TLN2: variants seen among roughly 807,000 people sequenced by gnomAD.
TLN2 encodes talin-2.
Under a neutral mutation model 294.7 loss-of-function variants are expected in TLN2, and 118 were observed. The observed-to-expected ratio is 0.40, with a 90% CI of 0.34 to 0.47. The LOEUF is 0.47. Among genes scored for constraint, TLN2 ranks in the 20% least tolerant of loss-of-function variants. TLN2 has a pLI of 0.84. For missense variants in TLN2, 3,083 were observed against 3,282.2 expected, an observed-to-expected ratio of 0.94 and a Z score of 1.48; for synonymous variants, 1,431 against 1,304.5, an observed-to-expected ratio of 1.10 and a Z score of -2.09.
chr15:62,717,055 G>T (rs1407487533), intron 23 of TLN2, among the ~76,000 whole-genome samples: 1 of 152,030 alleles, frequency 6.6e-6, no homozygotes, highest in East Asian at 1.9e-4. Flanking sequence ...CCCTCCATAT[G>T]CAGTCTGCTA....
In TLN2 at chr15:62,736,922, C is replaced by G. The variant is rs1346254542; in HGVS notation, c.3403C>G (p.Gln1135Glu). The change falls in exon 29 of 59, where the codon CAG becomes GAG. Residue 1135 changes from glutamine (Q) to glutamate (E), a missense_variant. By Grantham distance (29) the Gln-to-Glu change is conservative. Transcript: ENST00000636159. ...GGCCCAAGCTCTGAAAACACTGGCCCAGGCCGCCCGTGGAGTGGCTGCATC... is the reference window on the plus strand; with the variant it reads ...GGCCCAAGCTCTGAAAACACTGGCCGAGGCCGCCCGTGGAGTGGCTGCATC... ...ETAQALKTLA[Q>E]AARGVAASTT... The G allele has an allele frequency of 2.5e-6, 4 of 1,614,210 alleles. No homozygotes were observed. The Middle Eastern group carries it at 5.0e-4, about 200-fold the overall frequency.
At chr15:62,664,464 T>TATATTTAAATATATATACACAAATCTGAA (rs2054287382) in intron 9 of TLN2, among the ~76,000 whole-genome samples, 1 of 152,076 alleles carries the variant, frequency 6.6e-6, no homozygotes, top group African/African-American at 2.4e-5. Flanking sequence ...ATATGAATCT[T>TATATTTAAATATATATACACAAATCTGAA]TATATTTAAA....
In TLN2 at chr15:62,693,055, C is replaced by T. The variant is rs2058050103; in HGVS notation, c.1215+114C>T. 3.6e-6 allele frequency: 3 copies of T among 833,932 alleles called. No individual in the cohort carries two copies. The African/African-American group carries it at 5.2e-5, about 14-fold the overall frequency. 51.7% of individuals were successfully genotyped at this position (833,932 alleles called of 1,614,324 possible). On this transcript the variant is annotated intron_variant, in intron 13 of 58. Coordinates refer to ENST00000636159, the MANE Select transcript of TLN2 (RefSeq NM_015059.3). ...CTCTTAAATAATACTTGAGGCCAGG[C>T]ATGGTGGCTCACGCCTGTAATCCCA...
At position 62,708,559 on chromosome 15, in the gene TLN2, A is replaced by C; in HGVS notation, c.2230A>C (p.Lys744Gln). 1.2e-6 allele frequency: 2 copies of C among 1,614,106 alleles called. No individual in the cohort carries two copies. Among genetic ancestry groups the C allele is most frequent in the Non-Finnish European group, 1.7e-6 (2 of 1,180,002 alleles). Residue 744 changes from lysine (K) to glutamine (Q), a missense_variant, in exon 21 of 59, where the codon AAG (lysine) becomes CAG (glutamine). Coordinates refer to ENST00000636159, the MANE Select transcript of TLN2 (RefSeq NM_015059.3). ...VCQEQLIEAG[K>Q]LVDRSVENCV... ...CCAGGAGCAGCTGATTGAAGCAGGGAAGCTGGTGGACCGCTCGGTGGAGAA... is the reference window on the plus strand; with the variant it reads ...CCAGGAGCAGCTGATTGAAGCAGGGCAGCTGGTGGACCGCTCGGTGGAGAA...
chr15:62,391,869 C>T (rs2032114109), intron 1 of TLN2, among the ~76,000 whole-genome samples: 1 of 151,912 alleles, frequency 6.6e-6, no homozygotes, highest in Non-Finnish European at 1.5e-5. Flanking sequence ...GCTACCGCTG[C>T]CCGGGTGCTC....
chr15:62,746,483 A>T (rs1327427906), intron 32 of TLN2, among the ~76,000 whole-genome samples: 1 of 152,214 alleles, frequency 6.6e-6, no homozygotes, highest in East Asian at 1.9e-4. Context: ...GAATCACCAG[A>T]GTCAATCTTA....
intron 1 of TLN2, among the ~76,000 whole-genome samples, chr15:62,493,905 CTGGCCGAGGT>C (rs2038881296): frequency 6.6e-6 from 1 of 152,232 alleles, no homozygotes; most frequent in Non-Finnish European, 1.5e-5. Flanking sequence ...GCCACCATGC[CTGGCCGAGGT>C]TGCCTCTTAG....
rs1310544762 is a variant in TLN2 at position 62,636,277 on chromosome 15, G to C, written c.-36-10998G>C. Among the ~76,000 whole-genome samples the C allele has an allele frequency of 2.0e-5, 3 of 151,964 alleles. No individual in the cohort carries two copies. The East Asian group carries it at 5.8e-4, about 29-fold the overall frequency. ...AGATAGATAGATAGATAGATAGATA[G>C]ATAGAGTTTAACTAAAACATTGCAA... On this transcript the variant is annotated intron_variant, in intron 3 of 58. Transcript: ENST00000636159.
At chr15:62,577,723 T>C (rs983259526) in intron 1 of TLN2, among the ~76,000 whole-genome samples, 4 of 152,176 alleles carry the variant, frequency 2.6e-5, no homozygotes, top group African/African-American at 9.7e-5. Context: ...CTTTAAGCTC[T>C]AGGGTACATG....
chr15:62,587,655 A>G (rs2045722165), intron 1 of TLN2, among the ~76,000 whole-genome samples: 1 of 152,192 alleles, frequency 6.6e-6, no homozygotes, highest in Non-Finnish European at 1.5e-5. Flanking sequence ...ATGTGTATCC[A>G]TCTCCCTGCT....
At chr15:62,675,004 C>G (rs2055997242) in intron 10 of TLN2, among the ~76,000 whole-genome samples, 1 of 152,204 alleles carries the variant, frequency 6.6e-6, no homozygotes, top group Non-Finnish European at 1.5e-5. Context: ...TGTTTGGGCT[C>G]AAACTCTGGT....
intron 1 of TLN2, among the ~76,000 whole-genome samples, chr15:62,403,432 C>T (rs778169193): frequency 6.6e-6 from 1 of 152,014 alleles, no homozygotes; most frequent in Non-Finnish European, 1.5e-5. Flanking sequence ...TTTGTTTTGC[C>T]ACGTTGCCCA....
At chr15:62,706,381 G>A (rs180867707) in intron 19 of TLN2, among the ~76,000 whole-genome samples, 2 of 152,334 alleles carry the variant, frequency 1.3e-5, no homozygotes, top group South Asian at 2.1e-4. Context: ...CTAGCTCCTC[G>A]CATTTTCAGT....
intron 52 of TLN2, among the ~76,000 whole-genome samples, chr15:62,816,075 C>G (rs892188771): frequency 6.6e-6 from 1 of 152,230 alleles, no homozygotes; most frequent in Non-Finnish European, 1.5e-5. Flanking sequence ...ACCCACAAAA[C>G]CTAGTTAGAA....
At chr15:62,756,841 G>A (rs2062287686) in intron 37 of TLN2, among the ~76,000 whole-genome samples, 1 of 152,116 alleles carries the variant, frequency 6.6e-6, no homozygotes, top group South Asian at 2.1e-4. Flanking sequence ...CTGGCAGTCA[G>A]CACATGGGGC....
intron 1 of TLN2, among the ~76,000 whole-genome samples, chr15:62,550,723 C>A (rs757274947): frequency 4.1e-4 from 62 of 152,110 alleles, no homozygotes; most frequent in Non-Finnish European, 6.5e-4. Flanking sequence ...CAGGTAACCA[C>A]AAGAATCTCC....
chr15:62,762,496 C>T (rs371789327), intron 39 of TLN2, 43 bp downstream of exon 39: 66 of 1,601,068 alleles, frequency 4.1e-5, no homozygotes, highest in Admixed American at 1.5e-4. Context: ...TGCATCTCAG[C>T]GGGGAAGGAG....
At chr15:62,403,658 C>T (rs527378434) in intron 1 of TLN2, among the ~76,000 whole-genome samples, 2 of 152,274 alleles carry the variant, frequency 1.3e-5, no homozygotes, top group East Asian at 1.9e-4. Flanking sequence ...TCTTTGGAAC[C>T]CTTCCACTGG....
chr15:62,628,450 TC>T (rs1353132132), intron 3 of TLN2, among the ~76,000 whole-genome samples: 21 of 152,262 alleles, frequency 1.4e-4, no homozygotes, highest in African/African-American at 5.1e-4. Flanking sequence ...TAGTAGGACT[TC>T]CATAACGTTT....
Sources: allele counts gnomAD v4.1 joint callset (sites outside exome capture counted in the v4.1 genomes callset), GRCh38; gene constraint gnomAD v4.1.1; transcripts MANE v1.5; gene names NCBI Gene and HGNC (gene_info 2026-07-23, HGNC 2026-07-21).